Variants in PXDN observed in about 807,000 individuals in gnomAD.
PXDN encodes the protein peroxidasin homolog.
A neutral mutation model predicts 140.3 loss-of-function variants in PXDN; 77 were observed. The observed-to-expected ratio is 0.55, with a 90% CI of 0.46 to 0.66. The LOEUF (loss-of-function observed/expected upper bound fraction) is 0.66. Among genes scored for constraint, PXDN ranks in the 30% least tolerant of loss-of-function variants. The pLI, the probability that PXDN is intolerant of heterozygous loss-of-function variation, is 0.00. For synonymous variants in PXDN, 911 were observed against 857.4 expected, an observed-to-expected ratio of 1.06 and a Z score of -1.09; for missense variants, 1,838 against 2,039.5, an observed-to-expected ratio of 0.90 and a Z score of 1.90.
chr2:1,744,014 A>G (rs1469996945), intron 1 of PXDN, among the ~76,000 whole-genome samples: 1 of 152,080 alleles, frequency 6.6e-6, no homozygotes, highest in Non-Finnish European at 1.5e-5. Context: ...GGCCGCGCGC[A>G]CAGCGCTCTG....
intron 9 of PXDN, chr2:1,672,203 C>T (rs1040921571): frequency 6.6e-6 from 1 of 152,126 alleles, no homozygotes; most frequent in African/African-American, 2.4e-5. Context: ...CCCACATGCT[C>T]AGACTAGTAT....
At chr2:1,741,277 T>C (rs889946444) in intron 1 of PXDN, among the ~76,000 whole-genome samples, 2 of 152,176 alleles carry the variant, frequency 1.3e-5, no homozygotes, top group African/African-American at 2.4e-5. Flanking sequence ...TGAACTACCA[T>C]TGTGATGAAC....
rs1682462669 is a variant in PXDN at position 1,633,318 on chromosome 2, C to T, written c.*886G>A. The T allele has an allele frequency of 6.6e-6, 1 of 152,028 alleles. No homozygotes were observed. Among genetic ancestry groups the T allele is most frequent in the Non-Finnish European group, 1.5e-5 (1 of 68,024 alleles). The allele number at this position is 152,028 out of a possible 1,614,324, so 9.4% of individuals were successfully genotyped here. A position where few individuals can be genotyped will look rare whatever the true frequency, so the allele number is the denominator to read the frequency against. On this transcript the variant is annotated 3_prime_UTR_variant, in exon 23 of 23. Coordinates refer to ENST00000252804, the MANE Select transcript of PXDN (RefSeq NM_012293.3). Reference sequence around the variant, plus strand: ...GGCCGGCTGGGAGCGGCGTTGTCAACACACACCCTTGGCCCTCGGCAGGTA... The same window carrying T: ...GGCCGGCTGGGAGCGGCGTTGTCAATACACACCCTTGGCCCTCGGCAGGTA...
At chr2:1,698,908 A>T (rs973920376) in intron 1 of PXDN, among the ~76,000 whole-genome samples, 1 of 152,332 alleles carries the variant, frequency 6.6e-6, no homozygotes, top group South Asian at 2.1e-4. Flanking sequence ...TACATTTTAC[A>T]TTTAAAAAGC....
intron 9 of PXDN, among the ~76,000 whole-genome samples, chr2:1,670,956 C>T (rs982717544): frequency 1.3e-5 from 2 of 152,162 alleles, no homozygotes; most frequent in African/African-American, 4.8e-5. Context: ...CAACTCCCCC[C>T]ACATCAGGCA....
chr2:1,738,457 AG>A (rs1382619621), intron 1 of PXDN, among the ~76,000 whole-genome samples: 3 of 152,210 alleles, frequency 2.0e-5, no homozygotes, highest in Admixed American at 6.5e-5. Flanking sequence ...CTTACTGTCA[AG>A]CGCAAAGGAA....
At chr2:1,701,849 C>T (rs773412688) in intron 1 of PXDN, among the ~76,000 whole-genome samples, 4 of 152,174 alleles carry the variant, frequency 2.6e-5, no homozygotes, top group Admixed American at 2.0e-4. Flanking sequence ...ACCCCGACAG[C>T]GGTCTTGTCC....
At chr2:1,684,744 GTTTCTA>G (rs1287647563) in intron 4 of PXDN, among the ~76,000 whole-genome samples, 9 of 152,170 alleles carry the variant, frequency 5.9e-5, no homozygotes, top group Non-Finnish European at 1.3e-4. Context: ...AATACCCAGT[GTTTCTA>G]TTTCTTTCCA....
intron 1 of PXDN, among the ~76,000 whole-genome samples, chr2:1,699,286 G>A (rs1042384365): frequency 6.6e-5 from 10 of 152,142 alleles, no homozygotes; most frequent in African/African-American, 1.2e-4. Flanking sequence ...TCTAAAAAGC[G>A]GTCACTAAAG....
At chr2:1,742,791 T>A (rs997818627) in intron 1 of PXDN, among the ~76,000 whole-genome samples, 1 of 152,142 alleles carries the variant, frequency 6.6e-6, no homozygotes, top group African/African-American at 2.4e-5. Context: ...TTGGTCTCTC[T>A]GCGGAGGAGG....
intron 1 of PXDN, among the ~76,000 whole-genome samples, chr2:1,706,147 A>G (rs1188601109): frequency 6.6e-6 from 1 of 152,156 alleles, no homozygotes; most frequent in African/African-American, 2.4e-5. Context: ...AGACCGTCCC[A>G]GCGTCTCTGA....
chr2:1,658,339 G>C (rs1281638964), intron 14 of PXDN, among the ~76,000 whole-genome samples: 2 of 152,030 alleles, frequency 1.3e-5, no homozygotes, highest in Non-Finnish European at 1.5e-5. Flanking sequence ...GCTCAAACAG[G>C]ACTCCTCCAT....
chr2:1,720,718 T>TCACA (rs779396106), intron 1 of PXDN, among the ~76,000 whole-genome samples: 7 of 140,190 alleles, frequency 5.0e-5, no homozygotes, highest in African/African-American at 2.2e-4. Flanking sequence ...TCTCTCTCTC[T>TCACA]CTCTCTCACA....
chr2:1,689,034 A>AC, intron 3 of PXDN, among the ~76,000 whole-genome samples: 1 of 152,004 alleles, frequency 6.6e-6, no homozygotes. Context: ...CTTAACACGA[A>AC]CCACCCAGAA....
At position 1,680,278 on chromosome 2, in the gene PXDN, G is replaced by A. The variant is rs909111034; in HGVS notation, c.645C>T (p.Asn215=). 27 of 1,613,810 alleles carry A rather than the reference G, an allele frequency of 1.7e-5. No homozygotes were observed. In the East Asian group the frequency reaches 2.2e-4, roughly 13 times the overall value. ...DLLKTYAESG[N]AQAAAICEYP... is the part of the protein sequence containing the mutation. ...ATTCACAGATGGCCGCTGCCTGCGC[G>A]TTCCCCGACTCCGCGTAGGTTTTCA... The change falls in exon 7 of 23, where the codon AAC becomes AAT. Residue 215 remains asparagine, a synonymous_variant. Coordinates refer to ENST00000252804, the MANE Select transcript of PXDN (RefSeq NM_012293.3).
At position 1,668,223 on chromosome 2, in the gene PXDN, G is replaced by A. The variant is rs142600936; in HGVS notation, c.1019-1737C>T. 7.5e-3 allele frequency among the ~76,000 whole-genome samples: 1,138 copies of A among 152,256 alleles called. 19 individuals are homozygous for A. Among genetic ancestry groups the A allele is most frequent in the African/African-American group, 0.026 (1,068 of 41,550 alleles). ...GGAAAGGATTCCCTATTTAATACAT[G>A]GTGCTGGGAAAACTGGCTAGCCATA... is the stretch of plus-strand genomic sequence containing the variant. On this transcript the variant is annotated intron_variant, in intron 9 of 22. Transcript: ENST00000252804.
chr2:1,705,493 G>T (rs902378262), intron 1 of PXDN, among the ~76,000 whole-genome samples: 1 of 148,926 alleles, frequency 6.7e-6, no homozygotes, highest in South Asian at 2.1e-4. Flanking sequence ...AGGGTGCAGG[G>T]TGCGGCTCCC....
intron 18 of PXDN, 97 bp downstream of exon 18, chr2:1,644,521 G>A (rs1173937342): frequency 1.3e-5 from 18 of 1,334,584 alleles, no homozygotes; most frequent in African/African-American, 1.3e-4. Context: ...CTAGGGCCTC[G>A]TGCCTCCCTC....
At chr2:1,731,152 G>GCACA (rs72079011) in intron 1 of PXDN, among the ~76,000 whole-genome samples, 9,220 of 135,926 alleles carry the variant, frequency 0.068, 649 homozygotes, top group African/African-American at 0.2. Flanking sequence ...GAGCGCGCGC[G>GCACA]CACACACACA....
Sources: allele counts gnomAD v4.1 joint callset (sites outside exome capture counted in the v4.1 genomes callset), GRCh38; gene constraint gnomAD v4.1.1; transcripts MANE v1.5; gene names NCBI Gene and HGNC (gene_info 2026-07-23, HGNC 2026-07-21).